Variants in ZBTB20 observed in about 807,000 individuals in gnomAD.
The protein encoded by ZBTB20 is zinc finger and BTB domain-containing protein 20.
Under a neutral mutation model 56.9 loss-of-function variants are expected in ZBTB20, and 9 were observed. That is an observed-to-expected ratio of 0.16 (90% confidence interval 0.10 to 0.28). The LOEUF is 0.28. ZBTB20 is among the 10% of genes least tolerant of loss of function. The pLI is 1.00. For missense variants in ZBTB20, 655 were observed against 1,003.0 expected, an observed-to-expected ratio of 0.65 and a Z score of 4.69; for synonymous variants, 417 against 420.7, an observed-to-expected ratio of 0.99 and a Z score of 0.11.
chr3:115,017,102 G>A (rs1313716317), intron 2 of ZBTB20, among the ~76,000 whole-genome samples: 1 of 151,672 alleles, frequency 6.6e-6, no homozygotes, highest in African/African-American at 2.4e-5. Context: ...ATCTTTGTTT[G>A]CAGATAACAG....
intron 5 of ZBTB20, among the ~76,000 whole-genome samples, chr3:114,753,821 A>G (rs986220670): frequency 1.3e-5 from 2 of 152,096 alleles, no homozygotes; most frequent in Non-Finnish European, 2.9e-5. Flanking sequence ...TATTTTATTC[A>G]CTACAGTATC....
intron 6 of ZBTB20, among the ~76,000 whole-genome samples, chr3:114,621,819 GTAA>G (rs1182746978): frequency 6.6e-6 from 1 of 152,060 alleles, no homozygotes; most frequent in African/African-American, 2.4e-5. Context: ...GAAAAAATAA[GTAA>G]TATTAATATA....
In ZBTB20 at chr3:114,324,271, G is replaced by A. The variant is rs2078991285; in HGVS notation, c.*14734C>T. 2 of 152,176 alleles carry A rather than the reference G, an allele frequency of 1.3e-5. No homozygotes were observed. Among genetic ancestry groups the A allele is most frequent in the East Asian group, 1.9e-4 (1 of 5,206 alleles). 9.4% of individuals were successfully genotyped at this position (152,176 alleles called of 1,614,324 possible). On this transcript the variant is annotated 3_prime_UTR_variant, in exon 12 of 12. Coordinates refer to ENST00000675478, the MANE Select transcript of ZBTB20 (RefSeq NM_001348800.3). Reference sequence around the variant, plus strand: ...CTTAATAGTTTTCATCATGTCAGATGGCTCTAATGCTAAGGGGAATGGGTT... The same window carrying A: ...CTTAATAGTTTTCATCATGTCAGATAGCTCTAATGCTAAGGGGAATGGGTT...
Position 114,330,098 on chromosome 3 carries a change from C to T in ZBTB20, c.*8907G>A, listed in dbSNP as rs2079197918. The stretch of plus-strand genomic sequence containing the variant: ...TGAGTGGGTCAGCTAAACAAGATCA[C>T]TTTGAATATGAACCTCTTTGTATTA... On this transcript the variant is annotated 3_prime_UTR_variant, in exon 12 of 12. Coordinates refer to ENST00000675478, the MANE Select transcript of ZBTB20 (RefSeq NM_001348800.3). The T allele has an allele frequency of 6.6e-6, 1 of 152,224 alleles. No individual in the cohort carries two copies. Among genetic ancestry groups the T allele is most frequent in the Non-Finnish European group, 1.5e-5 (1 of 68,028 alleles). The allele number at this position is 152,224 out of a possible 1,614,324, so 9.4% of individuals were successfully genotyped here.
intron 10 of ZBTB20, among the ~76,000 whole-genome samples, chr3:114,372,346 G>C (rs573652865): frequency 1.1e-3 from 162 of 152,206 alleles, no homozygotes; most frequent in Non-Finnish European, 2.0e-3. Flanking sequence ...TCTATGCACT[G>C]TTTGGGAGAG....
intron 7 of ZBTB20, among the ~76,000 whole-genome samples, chr3:114,481,357 G>A (rs2041523192): frequency 1.3e-5 from 2 of 151,810 alleles, no homozygotes. Flanking sequence ...CTCTAGTGCT[G>A]CCCCATTTAC....
intron 7 of ZBTB20, among the ~76,000 whole-genome samples, chr3:114,451,769 C>G (rs1161526983): frequency 6.6e-6 from 1 of 152,158 alleles, no homozygotes; most frequent in African/African-American, 2.4e-5. Flanking sequence ...GAGCGGATTG[C>G]CTACAGGAAG....
intron 7 of ZBTB20, among the ~76,000 whole-genome samples, chr3:114,452,578 T>C (rs900766052): frequency 6.6e-6 from 1 of 152,160 alleles, no homozygotes; most frequent in Non-Finnish European, 1.5e-5. Flanking sequence ...CACTCACACC[T>C]CCCAGCCAGG....
At chr3:114,980,816 A>G (rs2078296121) in intron 2 of ZBTB20, among the ~76,000 whole-genome samples, 1 of 152,046 alleles carries the variant, frequency 6.6e-6, no homozygotes, top group African/African-American at 2.4e-5. Context: ...TAATCACTGA[A>G]GAAAGATTGC....
At chr3:115,124,626 C>G (rs891190433) in intron 1 of ZBTB20, among the ~76,000 whole-genome samples, 1 of 152,124 alleles carries the variant, frequency 6.6e-6, no homozygotes, top group African/African-American at 2.4e-5. Flanking sequence ...AAATGTGTTA[C>G]TGGTATAGAG....
intron 10 of ZBTB20, among the ~76,000 whole-genome samples, chr3:114,368,545 T>A (rs1039959021): frequency 6.6e-6 from 1 of 152,200 alleles, no homozygotes; most frequent in East Asian, 1.9e-4. Flanking sequence ...GATTAGGATA[T>A]GTCCTGGGGA....
intron 6 of ZBTB20, among the ~76,000 whole-genome samples, chr3:114,617,717 A>C (rs191097041): frequency 9.2e-5 from 14 of 152,314 alleles, no homozygotes; most frequent in African/African-American, 3.4e-4. Context: ...AGATTCTGCC[A>C]CACAGACTTC....
At chr3:114,847,943 AG>A (rs1405564784) in intron 4 of ZBTB20, among the ~76,000 whole-genome samples, 1 of 152,218 alleles carries the variant, frequency 6.6e-6, no homozygotes, top group Admixed American at 6.5e-5. Flanking sequence ...GCTTTCAGGA[AG>A]TAATGCATCT....
intron 4 of ZBTB20, among the ~76,000 whole-genome samples, chr3:114,823,026 A>G (rs956690694): frequency 6.6e-6 from 1 of 152,162 alleles, no homozygotes. Context: ...ATATCTCCAA[A>G]TTTTATAGCA....
chr3:114,966,904 A>T (rs1406742107), intron 3 of ZBTB20, among the ~76,000 whole-genome samples: 1 of 152,162 alleles, frequency 6.6e-6, no homozygotes, highest in Non-Finnish European at 1.5e-5. Flanking sequence ...TTCATGGGAA[A>T]CATTTTAGGA....
At position 114,322,789 on chromosome 3, in the gene ZBTB20, A is replaced by T. The variant is rs3195955; in HGVS notation, c.*16216T>A. 1.3e-5 allele frequency: 2 copies of T among 152,234 alleles called. No homozygotes were observed. The highest frequency in any genetic ancestry group is 2.9e-5 in the Non-Finnish European group (2 of 68,044). 9.4% of individuals were successfully genotyped at this position (152,234 alleles called of 1,614,324 possible). A position where few individuals can be genotyped will look rare whatever the true frequency, so the allele number is the denominator to read the frequency against. ...TCTAAATGGAGTTTTTCTGACTAAC[A>T]AGGCTGACAACTTTCTGAACAATAT... On this transcript the variant is annotated 3_prime_UTR_variant, in exon 12 of 12. Transcript: ENST00000675478.
rs1263392809 is a variant in ZBTB20, at chr3:114,463,739, A to G, written c.-255+36613T>C. ...GTGCATTAACATTTAAAAGAACAGG[A>G]ACATGTAGTCTACCTCAAAACAAAT... On this transcript the variant is annotated intron_variant, in intron 7 of 11. Coordinates refer to ENST00000675478, the MANE Select transcript of ZBTB20 (RefSeq NM_001348800.3). Among the ~76,000 whole-genome samples the G allele has an allele frequency of 2.6e-5, 4 of 152,232 alleles. No individual in the cohort carries two copies. In the South Asian group the frequency reaches 6.2e-4, roughly 24 times the overall value.
chr3:114,827,532 A>C (rs2073605564), intron 4 of ZBTB20, among the ~76,000 whole-genome samples: 1 of 151,868 alleles, frequency 6.6e-6, no homozygotes, highest in Non-Finnish European at 1.5e-5. Context: ...CTTAGCGCTT[A>C]AGCATATCTA....
At chr3:114,662,809 T>C (rs1284479102) in intron 6 of ZBTB20, among the ~76,000 whole-genome samples, 6 of 152,126 alleles carry the variant, frequency 3.9e-5, no homozygotes, top group Non-Finnish European at 8.8e-5. Flanking sequence ...ATATTAGCCA[T>C]GAGTAGGTTG....
Sources: gnomAD v4.1 joint callset for allele counts (sites outside exome capture counted in the v4.1 genomes callset) on GRCh38, gnomAD v4.1.1 for gene constraint, MANE v1.5 for transcripts, NCBI Gene and HGNC (gene_info 2026-07-23, HGNC 2026-07-21) for gene names.